HDAC9: variants seen among roughly 807,000 people sequenced by gnomAD.
HDAC9 encodes the protein MEF-2 interacting transcription repressor (MITR) protein.
In HDAC9, 41 loss-of-function variants were observed where a neutral mutation model predicts 139.4. That is an observed-to-expected ratio of 0.29 (90% CI 0.23 to 0.38). The LOEUF is 0.38. Among genes scored for constraint, HDAC9 ranks in the 10% least tolerant of loss-of-function variants. HDAC9 has a pLI of 1.00. For missense variants in HDAC9, 1,147 were observed against 1,297.0 expected (o/e 0.88, Z 1.78); for synonymous variants, 517 against 476.2 (o/e 1.09, Z -1.12).
intron 1 of HDAC9, among the ~76,000 whole-genome samples, chr7:18,421,770 A>T (rs1020295494): frequency 1.3e-5 from 2 of 152,198 alleles, no homozygotes; most frequent in African/African-American, 4.8e-5. Flanking sequence ...TCACCACGTG[A>T]TTAGACTCAG....
At chr7:18,301,133 A>G (rs1371655287) in intron 1 of HDAC9, among the ~76,000 whole-genome samples, 9 of 152,124 alleles carry the variant, frequency 5.9e-5, no homozygotes, top group Non-Finnish European at 8.8e-5. Flanking sequence ...ATGTATTTTG[A>G]TGACCTTATT....
chr7:18,298,723 G>A (rs1798318513), intron 1 of HDAC9, among the ~76,000 whole-genome samples: 1 of 152,102 alleles, frequency 6.6e-6, no homozygotes. Context: ...ATTTTTATGT[G>A]ACAGTGTTGC....
intron 2 of HDAC9, among the ~76,000 whole-genome samples, chr7:18,230,523 C>G (rs1247496415): frequency 6.6e-6 from 1 of 152,192 alleles, no homozygotes. Context: ...TAGCATTTAT[C>G]ACCCGAAATG....
chr7:18,639,215 A>G (rs1784797859), intron 8 of HDAC9, among the ~76,000 whole-genome samples: 1 of 152,050 alleles, frequency 6.6e-6, no homozygotes, highest in Non-Finnish European at 1.5e-5. Flanking sequence ...CTGTTGTTTC[A>G]TAATAGTTGT....
rs1317198302 is a variant in HDAC9 at position 18,998,749 on chromosome 7, G to A, written c.*2687G>A. ...AGTATTATCAATTTTGCATCTCCTT[G>A]TGATACTTACTTTGAAGGAAAATCA... On this transcript the variant is annotated 3_prime_UTR_variant, in exon 26 of 26. Transcript: ENST00000686413. 1 of 152,184 alleles carries A rather than the reference G, an allele frequency of 6.6e-6. No homozygotes were observed. The highest frequency in any genetic ancestry group is 1.5e-5 in the Non-Finnish European group (1 of 68,040). The allele number at this position is 152,184 out of a possible 1,614,324, so 9.4% of individuals were successfully genotyped here. A position where few individuals can be genotyped will look rare whatever the true frequency, so the allele number is the denominator to read the frequency against.
At chr7:18,372,626 T>G (rs1784679532) in intron 1 of HDAC9, among the ~76,000 whole-genome samples, 1 of 152,238 alleles carries the variant, frequency 6.6e-6, no homozygotes, top group Non-Finnish European at 1.5e-5. Flanking sequence ...TATTATTTTC[T>G]GCAAATTTTT....
At chr7:18,407,868 G>A (rs9648241) in intron 1 of HDAC9, among the ~76,000 whole-genome samples, 3,613 of 152,210 alleles carry the variant, frequency 0.024, 59 homozygotes, top group East Asian at 0.075. Context: ...CTTTCAGTAG[G>A]TTAGGATCTG....
chr7:18,696,463 T>C (rs949626474), intron 12 of HDAC9, among the ~76,000 whole-genome samples: 7 of 149,422 alleles, frequency 4.7e-5, no homozygotes, highest in Non-Finnish European at 1.0e-4. Context: ...GCGGTTGCTT[T>C]TCTTTTTTTG....
intron 1 of HDAC9, among the ~76,000 whole-genome samples, chr7:18,297,242 A>G (rs973589845): frequency 2.6e-5 from 4 of 152,200 alleles, no homozygotes; most frequent in African/African-American, 9.6e-5. Context: ...TTTATTTAAA[A>G]ACTTTTTTAT....
At chr7:18,160,386 A>G (rs1449233550) in intron 1 of HDAC9, among the ~76,000 whole-genome samples, 1 of 152,230 alleles carries the variant, frequency 6.6e-6, no homozygotes, top group Non-Finnish European at 1.5e-5. Flanking sequence ...ACACTTGTCA[A>G]TTTAGGATAG....
rs762238501 is a variant in HDAC9, at chr7:18,648,452, A to AT, written c.1250-4dup. On this transcript the variant is annotated splice_polypyrimidine_tract_variant and intron_variant, in intron 10 of 25. Transcript: ENST00000686413. ...TGTGTGTATACACACATATACATGT[A>AT]TTTTTTTTTTCAGGTGGAGTTCCCT... The AT allele has an allele frequency of 6.5e-3, 8,657 of 1,337,572 alleles. No homozygotes were observed. The highest frequency in any genetic ancestry group is 7.6e-3 in the Non-Finnish European group (7,333 of 967,748). The allele number at this position is 1,337,572 out of a possible 1,614,324, so 82.9% of individuals were successfully genotyped here.
chr7:18,170,889 A>T (rs1788379902), intron 2 of HDAC9, among the ~76,000 whole-genome samples: 1 of 152,142 alleles, frequency 6.6e-6, no homozygotes, highest in African/African-American at 2.4e-5. Context: ...TGATGCCTCC[A>T]GCTTTGTTCT....
chr7:18,737,724 A>G (rs1787057500), intron 13 of HDAC9, among the ~76,000 whole-genome samples: 1 of 152,186 alleles, frequency 6.6e-6, no homozygotes, highest in Non-Finnish European at 1.5e-5. Context: ...GCTGAGAAGA[A>G]TGTATATTCT....
intron 2 of HDAC9, among the ~76,000 whole-genome samples, chr7:18,206,956 G>A (rs896640433): frequency 6.8e-5 from 10 of 146,704 alleles, no homozygotes; most frequent in East Asian, 2.0e-4. Flanking sequence ...TGTCTTTTGA[G>A]GCAGGTTCTC....
intron 23 of HDAC9, among the ~76,000 whole-genome samples, chr7:18,951,690 T>A (rs895116225): frequency 1.3e-5 from 2 of 151,918 alleles, no homozygotes; most frequent in African/African-American, 4.8e-5. Flanking sequence ...CTAAATTAAA[T>A]ACATAGCAAA....
chr7:18,425,167 A>C (rs1321789758), intron 1 of HDAC9, among the ~76,000 whole-genome samples: 1 of 152,198 alleles, frequency 6.6e-6, no homozygotes, highest in African/African-American at 2.4e-5. Flanking sequence ...ATTGGACAGA[A>C]TTTGCAGACA....
chr7:18,885,481 C>G (rs995374047), intron 22 of HDAC9, among the ~76,000 whole-genome samples: 2 of 152,090 alleles, frequency 1.3e-5, no homozygotes, highest in Non-Finnish European at 2.9e-5. Flanking sequence ...TTAAGATGTT[C>G]TCATCCCTCT....
At chr7:18,480,797 A>G (rs548275549) in intron 1 of HDAC9, among the ~76,000 whole-genome samples, 7 of 152,348 alleles carry the variant, frequency 4.6e-5, no homozygotes, top group African/African-American at 1.4e-4. Flanking sequence ...TAGAAATACA[A>G]TAATAACTTT....
Position 18,200,968 on chromosome 7 carries a change from G to C in HDAC9, c.25+38619G>C, listed in dbSNP as rs961063557. On this transcript the variant is annotated intron_variant, in intron 2 of 12. Coordinates refer to the HDAC9 transcript ENST00000417496. ...GTGCTGCCAAAGCTAGTTAATTTTA[G>C]TTATACCATCATAGAATGCTGGAGC... is the stretch of plus-strand genomic sequence containing the variant. Among the ~76,000 whole-genome samples, 3 of 152,140 alleles carry C rather than the reference G, an allele frequency of 2.0e-5. No homozygotes were observed. The South Asian group carries it at 6.2e-4, about 31-fold the overall frequency.
Sources: allele counts gnomAD v4.1 joint callset (sites outside exome capture counted in the v4.1 genomes callset), GRCh38; gene constraint gnomAD v4.1.1; transcripts MANE v1.5; gene names NCBI Gene and HGNC (gene_info 2026-07-23, HGNC 2026-07-21).